Variants in ATP8B4 observed in about 807,000 individuals in gnomAD.
ATP8B4 encodes ATPase phospholipid transporting 8B4 (putative), also known as probable phospholipid-transporting ATPase IM.
In ATP8B4, 133 loss-of-function variants were observed where a neutral mutation model predicts 145.6. The ratio of observed to expected loss-of-function variants is 0.91; its 90% CI spans 0.79 to 1.05. The LOEUF is 1.05. Ranked by LOEUF, ATP8B4 falls within the 50% of genes least tolerant of loss-of-function variation. The pLI, the probability that ATP8B4 is intolerant of heterozygous loss-of-function variation, is 0.00. For missense variants in ATP8B4, 1,458 were observed against 1,425.2 expected (o/e 1.02, Z -0.37); for synonymous variants, 507 against 492.9 (o/e 1.03, Z -0.38).
At chr15:49,962,363 T>A (rs2044159671) in intron 13 of ATP8B4, among the ~76,000 whole-genome samples, 1 of 152,242 alleles carries the variant, frequency 6.6e-6, no homozygotes, top group African/African-American at 2.4e-5. Flanking sequence ...ATTCCCACTG[T>A]TGAGAAATCC....
chr15:49,970,976 A>C (rs1467153051), intron 13 of ATP8B4, among the ~76,000 whole-genome samples: 1 of 152,144 alleles, frequency 6.6e-6, no homozygotes, highest in Admixed American at 6.5e-5. Context: ...ACACACCTAC[A>C]ACCCATCTGA....
intron 1 of ATP8B4, among the ~76,000 whole-genome samples, chr15:50,154,054 T>C (rs962984875): frequency 6.6e-6 from 1 of 152,242 alleles, no homozygotes; most frequent in Non-Finnish European, 1.5e-5. Context: ...CTTCTAATCA[T>C]AGCCAACTTG....
intron 1 of ATP8B4, among the ~76,000 whole-genome samples, chr15:50,135,063 G>C (rs2044103072): frequency 6.6e-6 from 1 of 152,166 alleles, no homozygotes; most frequent in African/African-American, 2.4e-5. Context: ...GGGTTGTCTA[G>C]AACAACAAGC....
At chr15:49,927,594 C>T (rs971350338) in intron 16 of ATP8B4, among the ~76,000 whole-genome samples, 10 of 152,136 alleles carry the variant, frequency 6.6e-5, no homozygotes, top group African/African-American at 1.2e-4. Flanking sequence ...TTAAGGCAAA[C>T]ATCTGATGTT....
At chr15:50,132,633 T>A (rs960943473) in intron 1 of ATP8B4, among the ~76,000 whole-genome samples, 3 of 152,152 alleles carry the variant, frequency 2.0e-5, no homozygotes, top group African/African-American at 7.2e-5. Flanking sequence ...GGATTATAAA[T>A]CATTCTACTA....
At position 50,113,838 on chromosome 15, in the gene ATP8B4, C is replaced by CA. The variant is rs67648465; in HGVS notation, c.-43+5284dup. On this transcript the variant is annotated intron_variant, in intron 1 of 27. Transcript: ENST00000284509. ...CGGGCAACAACACGAAACTCCATCT[C>CA]AAAAAAAAAAAAAAAAAAAAAAAAA... Among the ~76,000 whole-genome samples the CA allele has an allele frequency of 1.8e-3, 120 of 67,244 alleles. 5 individuals carry two copies. Among genetic ancestry groups the CA allele is most frequent in the African/African-American group, 4.3e-3 (66 of 15,448 alleles). 44.1% of individuals were successfully genotyped at this position (67,244 alleles called of 152,430 possible).
At chr15:49,977,253 G>C (rs2045748373) in intron 12 of ATP8B4, among the ~76,000 whole-genome samples, 2 of 152,094 alleles carry the variant, frequency 1.3e-5, no homozygotes, top group African/African-American at 4.8e-5. Flanking sequence ...ATACCTGGGT[G>C]TTCTCTTTTC....
At chr15:50,108,883 G>A (rs2153669755) in intron 1 of ATP8B4, among the ~76,000 whole-genome samples, 1 of 152,302 alleles carries the variant, frequency 6.6e-6, no homozygotes, top group South Asian at 2.1e-4. Context: ...TCTAATGCCT[G>A]TCTGGCACGT....
intron 3 of ATP8B4, among the ~76,000 whole-genome samples, chr15:50,057,492 T>C (rs1364356110): frequency 6.6e-6 from 1 of 152,224 alleles, no homozygotes; most frequent in Non-Finnish European, 1.5e-5. Flanking sequence ...CCGACATCCT[T>C]CACTCTGGTG....
rs1192837301 is a variant in ATP8B4, at chr15:49,972,787, C to A, written c.1038G>T (p.Val346=). 1.1e-5 allele frequency: 18 copies of A among 1,612,906 alleles called. No homozygotes were observed. The highest frequency in any genetic ancestry group is 1.5e-5 in the Non-Finnish European group (18 of 1,179,376). ...AACTGTGTCCTAGACGAATTACTTC[C>A]ACACTATCATCCATTAAAATGGAAA... ...TVVPISLYVS[V]EVIRLGHSYF... is the part of the protein sequence containing the mutation. The change falls in exon 13 of 28, where the codon GTG becomes GTT. Residue 346 remains valine, a synonymous_variant. Coordinates refer to ENST00000284509, the MANE Select transcript of ATP8B4 (RefSeq NM_024837.4).
At chr15:49,981,361 A>G in intron 10 of ATP8B4, 67 bp from the exon 11 acceptor site, 1 of 1,218,706 alleles carries the variant, frequency 8.2e-7, no homozygotes, top group Non-Finnish European at 1.2e-6. Context: ...TAATGCTCAT[A>G]TCAAATGTCT....
upstream of ATP8B4, among the ~76,000 whole-genome samples, chr15:50,122,176 TACCTGTA>T (rs2057276598): frequency 6.6e-6 from 1 of 152,206 alleles, no homozygotes; most frequent in Non-Finnish European, 1.5e-5. Flanking sequence ...ACAGATTAAC[TACCTGTA>T]ACAAGTGGGA....
intron 1 of ATP8B4, among the ~76,000 whole-genome samples, chr15:50,149,192 A>T (rs1300318498): frequency 6.6e-6 from 1 of 152,220 alleles, no homozygotes; most frequent in African/African-American, 2.4e-5. Flanking sequence ...AGCCTAAGAT[A>T]ATGCCATGAT....
intron 8 of ATP8B4, among the ~76,000 whole-genome samples, chr15:50,000,157 C>T (rs372681989): frequency 7.2e-4 from 110 of 152,264 alleles, no homozygotes; most frequent in African/African-American, 2.5e-3. Flanking sequence ...CCACCATAAA[C>T]ATTCATGTAC....
chr15:49,942,260 AG>A (rs1291402592), intron 14 of ATP8B4, among the ~76,000 whole-genome samples: 2 of 152,130 alleles, frequency 1.3e-5, no homozygotes, highest in Non-Finnish European at 1.5e-5. Context: ...TACAAAAAAA[AG>A]TAATGTACAG....
At chr15:50,118,159 TA>T (rs1214026772) in intron 1 of ATP8B4, among the ~76,000 whole-genome samples, 1 of 152,124 alleles carries the variant, frequency 6.6e-6, no homozygotes, top group Non-Finnish European at 1.5e-5. Flanking sequence ...ATATAAACGA[TA>T]AAATAAACGA....
At chr15:50,161,673 C>T (rs2044520909) in intron 1 of ATP8B4, among the ~76,000 whole-genome samples, 2 of 149,878 alleles carry the variant, frequency 1.3e-5, no homozygotes, top group Non-Finnish European at 2.9e-5. Flanking sequence ...ATATCCCCCA[C>T]TTTTTACCTT....
chr15:50,050,735 T>C (rs535651102), intron 3 of ATP8B4, among the ~76,000 whole-genome samples: 1 of 152,266 alleles, frequency 6.6e-6, no homozygotes, highest in African/African-American at 2.4e-5. Context: ...TCAGGTTTAA[T>C]ATGTTTTATA....
intron 3 of ATP8B4, among the ~76,000 whole-genome samples, chr15:50,060,364 C>T (rs6493397): frequency 0.18 from 27,046 of 152,070 alleles, 3,983 homozygotes; most frequent in African/African-American, 0.4. Flanking sequence ...TTCACCACAA[C>T]GAAACAACAA....
Sources: allele counts gnomAD v4.1 joint callset (sites outside exome capture counted in the v4.1 genomes callset), GRCh38; gene constraint gnomAD v4.1.1; transcripts MANE v1.5; gene names NCBI Gene and HGNC (gene_info 2026-07-23, HGNC 2026-07-21).